Variants in CDC42BPA observed in about 807,000 individuals in gnomAD.
The protein encoded by CDC42BPA is serine/threonine-protein kinase MRCK alpha.
In CDC42BPA, 80 loss-of-function variants were observed where a neutral mutation model predicts 223.5. That is an observed-to-expected ratio of 0.36 (90% CI 0.30 to 0.43). CDC42BPA has a LOEUF of 0.43. Ranked by LOEUF, CDC42BPA falls within the 20% of genes least tolerant of loss-of-function variation. CDC42BPA has a pLI of 1.00. For synonymous variants in CDC42BPA, 694 were observed against 718.6 expected, an observed-to-expected ratio of 0.97 and a Z score of 0.55; for missense variants, 1,743 against 2,099.9, an observed-to-expected ratio of 0.83 and a Z score of 3.32.
chr1:227,172,796 GAATT>G (rs1666324805), intron 5 of CDC42BPA, among the ~76,000 whole-genome samples: 2 of 152,086 alleles, frequency 1.3e-5, no homozygotes, highest in African/African-American at 4.8e-5. Flanking sequence ...CAAATTTATA[GAATT>G]ATTTTATGCT....
At chr1:227,294,384 C>G (rs1443823056) in intron 1 of CDC42BPA, among the ~76,000 whole-genome samples, 1 of 151,854 alleles carries the variant, frequency 6.6e-6, no homozygotes, top group Non-Finnish European at 1.5e-5. Flanking sequence ...AGAAGAAGAG[C>G]TTAAGATCAC....
chr1:227,301,503 G>C (rs2148734737), intron 1 of CDC42BPA, among the ~76,000 whole-genome samples: 1 of 152,200 alleles, frequency 6.6e-6, no homozygotes, highest in East Asian at 1.9e-4. Context: ...GGGACTACAG[G>C]CATGTGCCAC....
intron 5 of CDC42BPA, chr1:227,182,753 T>C (rs1232772474): frequency 6.6e-6 from 1 of 152,214 alleles, no homozygotes; most frequent in South Asian, 2.1e-4. Flanking sequence ...CAGAGGAAAC[T>C]GACATTTGAG....
intron 2 of CDC42BPA, among the ~76,000 whole-genome samples, chr1:227,242,271 T>C (rs1680157108): frequency 6.6e-6 from 1 of 152,122 alleles, no homozygotes; most frequent in Non-Finnish European, 1.5e-5. Context: ...AAAAGAGTAA[T>C]CATTTTTTTG....
At chr1:227,262,673 T>C (rs1684290062) in intron 1 of CDC42BPA, among the ~76,000 whole-genome samples, 1 of 152,198 alleles carries the variant, frequency 6.6e-6, no homozygotes, top group Admixed American at 6.5e-5. Context: ...TTTTAAGTCA[T>C]AAGATACCCT....
In CDC42BPA at chr1:227,103,881, CA is replaced by C. The variant is rs528711040; in HGVS notation, c.2002-2643del. Among the ~76,000 whole-genome samples, 121 of 152,068 alleles carry C rather than the reference CA, an allele frequency of 8.0e-4. 1 individual carries two copies. Among genetic ancestry groups the C allele is most frequent in the Non-Finnish European group, 1.1e-3 (76 of 67,908 alleles). On this transcript the variant is annotated intron_variant, in intron 14 of 36. Coordinates refer to ENST00000366766, the MANE Select transcript of CDC42BPA (RefSeq NM_001394014.1). ...AAAGAAAGCAGAATTAAATACTTAT[CA>C]AAACTCTGAGAGAAGGACAAGCCAA... is the stretch of plus-strand genomic sequence containing the variant.
In CDC42BPA at chr1:226,992,042, AGGAGGGTGGGGAGAGTGG is replaced by A. The variant is rs1238228292; in HGVS notation, c.*2208_*2225del. ...GAGAGTGAGGAGGGTGGGGAGAGTG[AGGAGGGTGGGGAGAGTGG>A]GGAGGAGAGGAGAGAAGGGTGGACA... is the stretch of plus-strand genomic sequence containing the variant. On this transcript the variant is annotated 3_prime_UTR_variant, in exon 37 of 37. Coordinates refer to ENST00000366766, the MANE Select transcript of CDC42BPA (RefSeq NM_001394014.1). The A allele has an allele frequency of 5.1e-4, 6 of 11,846 alleles. No individual in the cohort carries two copies. Among genetic ancestry groups the A allele is most frequent in the East Asian group, 2.5e-3 (1 of 402 alleles). 0.7% of individuals were successfully genotyped at this position (11,846 alleles called of 1,614,324 possible). A position where few individuals can be genotyped will look rare whatever the true frequency, so the allele number is the denominator to read the frequency against.
chr1:227,252,691 C>CA (rs1682232808), intron 2 of CDC42BPA, among the ~76,000 whole-genome samples: 3 of 152,140 alleles, frequency 2.0e-5, no homozygotes, highest in Admixed American at 2.0e-4. Context: ...TAACATATCA[C>CA]AAGTCAGTTG....
chr1:227,121,989 T>C (rs1340301354), intron 11 of CDC42BPA, among the ~76,000 whole-genome samples: 2 of 151,952 alleles, frequency 1.3e-5, no homozygotes, highest in Admixed American at 1.3e-4. Flanking sequence ...TTAGTAGAGA[T>C]GGGGTTTCAC....
At chr1:227,239,280 A>G (rs1035455442) in intron 2 of CDC42BPA, among the ~76,000 whole-genome samples, 1 of 152,186 alleles carries the variant, frequency 6.6e-6, no homozygotes, top group Admixed American at 6.5e-5. Flanking sequence ...AGAAATGAAT[A>G]AACAGACAGA....
At chr1:227,129,299 AT>A (rs1558562580) in intron 10 of CDC42BPA, 68 bp from the exon 11 acceptor site, 10 of 1,132,434 alleles carry the variant, frequency 8.8e-6, no homozygotes, top group Admixed American at 5.4e-5. Flanking sequence ...TAATAACATT[AT>A]TTTTTTGGAG....
chr1:227,209,539 CTAAT>C (rs1673487845), intron 3 of CDC42BPA, among the ~76,000 whole-genome samples: 2 of 138,562 alleles, frequency 1.4e-5, no homozygotes, highest in Non-Finnish European at 3.1e-5. Context: ...CCATCAATAC[CTAAT>C]TTATTGAGAG....
At chr1:227,140,507 T>C (rs1328007123) in intron 9 of CDC42BPA, among the ~76,000 whole-genome samples, 1 of 152,032 alleles carries the variant, frequency 6.6e-6, no homozygotes, top group Non-Finnish European at 1.5e-5. Flanking sequence ...ACAGAAGTAC[T>C]AAAGCCCCGA....
intron 5 of CDC42BPA, among the ~76,000 whole-genome samples, chr1:227,185,495 G>A (rs1668618957): frequency 6.6e-6 from 1 of 152,108 alleles, no homozygotes; most frequent in South Asian, 2.1e-4. Flanking sequence ...GAGGGTGGGA[G>A]GGCCAGTTTT....
At chr1:227,197,270 T>A (rs1273513869) in intron 4 of CDC42BPA, among the ~76,000 whole-genome samples, 1 of 152,274 alleles carries the variant, frequency 6.6e-6, no homozygotes, top group East Asian at 1.9e-4. Context: ...CGACATTTTT[T>A]AATGATTTTT....
chr1:227,217,540 C>T (rs935866849), intron 2 of CDC42BPA, among the ~76,000 whole-genome samples: 1 of 152,128 alleles, frequency 6.6e-6, no homozygotes, highest in African/African-American at 2.4e-5. Flanking sequence ...CACAACCCAT[C>T]CTCAACACTG....
chr1:227,144,411 C>T (rs924675052), intron 8 of CDC42BPA, among the ~76,000 whole-genome samples: 3 of 151,866 alleles, frequency 2.0e-5, no homozygotes, highest in Non-Finnish European at 2.9e-5. Context: ...CCCGTCTCTA[C>T]TAAAAACATA....
intron 11 of CDC42BPA, among the ~76,000 whole-genome samples, chr1:227,122,667 T>C (rs558139904): frequency 6.6e-6 from 1 of 152,258 alleles, no homozygotes; most frequent in East Asian, 1.9e-4. Flanking sequence ...AAGTAAAAAA[T>C]AATGTACTAG....
intron 35 of CDC42BPA, among the ~76,000 whole-genome samples, chr1:226,999,411 C>T (rs528226957): frequency 6.6e-4 from 101 of 152,198 alleles, no homozygotes; most frequent in Non-Finnish European, 1.4e-3. Context: ...CTCCTGACCT[C>T]GTGATCCACC....
Sources: gnomAD v4.1 joint callset for allele counts (sites outside exome capture counted in the v4.1 genomes callset) on GRCh38, gnomAD v4.1.1 for gene constraint, MANE v1.5 for transcripts, NCBI Gene and HGNC (gene_info 2026-07-23, HGNC 2026-07-21) for gene names.